Variants in PAK1 observed in about 807,000 individuals in gnomAD.
PAK1 encodes the protein serine/threonine-protein kinase PAK 1.
A neutral mutation model predicts 67.4 loss-of-function variants in PAK1; 29 were observed. The ratio of observed to expected loss-of-function variants is 0.43; its 90% CI spans 0.32 to 0.59. The LOEUF (loss-of-function observed/expected upper bound fraction) is 0.59, where lower values mean the gene tolerates loss of function less well. Ranked by LOEUF, PAK1 falls within the 20% of genes least tolerant of loss-of-function variation. The probability of loss-of-function intolerance (pLI) is 0.07; values close to 1 mark genes in which losing one functional copy is unlikely to be tolerated. For synonymous variants in PAK1, 223 were observed against 237.4 expected, an observed-to-expected ratio of 0.94 and a Z score of 0.56; for missense variants, 337 against 670.7, an observed-to-expected ratio of 0.50 and a Z score of 5.50.
intron 1 of PAK1, among the ~76,000 whole-genome samples, chr11:77,443,251 G>C (rs1234085983): frequency 1.3e-5 from 2 of 151,092 alleles, no homozygotes; most frequent in African/African-American, 4.9e-5. Context: ...GGAGGCAGAG[G>C]TTGCAGTGAG....
intron 1 of PAK1, among the ~76,000 whole-genome samples, chr11:77,419,106 G>A (rs1337064534): frequency 6.6e-6 from 1 of 152,170 alleles, no homozygotes; most frequent in East Asian, 1.9e-4. Flanking sequence ...TGCTGCTATA[G>A]GAAACTTGGC....
intron 4 of PAK1, among the ~76,000 whole-genome samples, chr11:77,375,680 AAG>A (rs1400265064): frequency 1.3e-5 from 2 of 152,234 alleles, no homozygotes; most frequent in Non-Finnish European, 2.9e-5. Context: ...TAAAATTTGA[AAG>A]AGAGACCCAA....
At chr11:77,479,646 C>A in the PAK1 span, among the ~76,000 whole-genome samples, 4 of 121,814 alleles carry the variant, frequency 3.3e-5, no homozygotes, top group Admixed American at 9.8e-5. Context: ...CTCACTCTGT[C>A]ACCCAGGCTG....
intron 1 of PAK1, among the ~76,000 whole-genome samples, chr11:77,414,489 T>C (rs755992841): frequency 2.0e-5 from 3 of 152,246 alleles, no homozygotes; most frequent in Non-Finnish European, 4.4e-5. Context: ...TTGATATCTA[T>C]TGGAAGACTG....
intron 7 of PAK1, among the ~76,000 whole-genome samples, chr11:77,354,993 G>A (rs963772471): frequency 6.6e-6 from 1 of 152,114 alleles, no homozygotes; most frequent in Admixed American, 6.5e-5. Context: ...GTTTCCACTT[G>A]ACAGCAAGAG....
chr11:77,487,213 A>G, the PAK1 span, among the ~76,000 whole-genome samples: 1 of 152,170 alleles, frequency 6.6e-6, no homozygotes, highest in East Asian at 1.9e-4. Flanking sequence ...AGAAGGGAAC[A>G]TGCTGCCTTG....
At chr11:77,506,966 T>G in the PAK1 span, among the ~76,000 whole-genome samples, 1 of 152,170 alleles carries the variant, frequency 6.6e-6, no homozygotes, top group Non-Finnish European at 1.5e-5. Context: ...AAGATAAAGA[T>G]CTTCATCTAG....
At chr11:77,520,353 G>C in the PAK1 span, among the ~76,000 whole-genome samples, 2 of 152,172 alleles carry the variant, frequency 1.3e-5, no homozygotes, top group African/African-American at 4.8e-5. Context: ...CAAGGCTCCA[G>C]TTGCATGACC....
chr11:77,447,113 A>G (rs959373282), intron 1 of PAK1, among the ~76,000 whole-genome samples: 4 of 152,206 alleles, frequency 2.6e-5, no homozygotes, highest in Admixed American at 6.5e-5. Context: ...TTACCTTTCT[A>G]TAACACATCC....
At chr11:77,468,313 G>C (rs1434548191) in intron 1 of PAK1, among the ~76,000 whole-genome samples, 1 of 152,108 alleles carries the variant, frequency 6.6e-6, no homozygotes, top group African/African-American at 2.4e-5. Flanking sequence ...AAACTCATGA[G>C]GGATGAATGA....
At chr11:77,349,375 G>A in intron 8 of PAK1, 88 bp from the exon 9 acceptor site, 1 of 985,170 alleles carries the variant, frequency 1.0e-6, no homozygotes, top group South Asian at 1.4e-5. Context: ...CACACAATCT[G>A]TGAGTGTCAA....
the PAK1 span, among the ~76,000 whole-genome samples, chr11:77,490,274 AG>A: frequency 3.1e-5 from 4 of 128,792 alleles, no homozygotes; most frequent in Non-Finnish European, 6.5e-5. Flanking sequence ...CCCGTCTCAG[AG>A]GGAGGTGGGG....
chr11:77,322,668 C>T lies in PAK1; in HGVS notation c.*606G>A, dbSNP rs553754038. ...ATGGGAACACTATTGGGTCAAGGTC[C>T]TCCCGAACAGCTGCTAGAAGCACAC... On this transcript the variant is annotated 3_prime_UTR_variant, in exon 15 of 15. Coordinates refer to ENST00000356341, the MANE Select transcript of PAK1 (RefSeq NM_002576.5). 15 of 248,442 alleles carry T rather than the reference C, an allele frequency of 6.0e-5. No individual in the cohort carries two copies. In the East Asian group the frequency reaches 9.5e-4, roughly 16 times the overall value. 15.4% of individuals were successfully genotyped at this position (248,442 alleles called of 1,614,324 possible).
At chr11:77,388,491 C>G (rs1950730754) in intron 2 of PAK1, among the ~76,000 whole-genome samples, 2 of 152,182 alleles carry the variant, frequency 1.3e-5, no homozygotes, top group Non-Finnish European at 2.9e-5. Flanking sequence ...GCAGCTGGGA[C>G]TACAGGCACC....
the PAK1 span, among the ~76,000 whole-genome samples, chr11:77,527,042 T>C: frequency 6.6e-6 from 1 of 152,190 alleles, no homozygotes; most frequent in African/African-American, 2.4e-5. Flanking sequence ...AAATCTATTG[T>C]AAAAACCAAT....
chr11:77,447,040 T>C lies in PAK1; in HGVS notation c.-22+26512A>G, dbSNP rs562039801. Among the ~76,000 whole-genome samples, 18 of 152,120 alleles carry C rather than the reference T, an allele frequency of 1.2e-4. No individual in the cohort carries two copies. The East Asian group carries it at 1.5e-3, about 13-fold the overall frequency. On this transcript the variant is annotated intron_variant, in intron 1 of 14. Coordinates refer to ENST00000356341, the MANE Select transcript of PAK1 (RefSeq NM_002576.5). The stretch of plus-strand genomic sequence containing the variant: ...CACTGGATTAAAACACATAAAGACA[T>C]AGGAAGTATAAATCATTTACCCAAA...
At chr11:77,347,126 C>A in intron 9 of PAK1, 1 of 454,684 alleles carries the variant, frequency 2.2e-6, no homozygotes. Context: ...ATTAGCCACC[C>A]TGATGGACTC....
chr11:77,336,008 G>A, intron 13 of PAK1, 78 bp downstream of exon 13: 1 of 914,640 alleles, frequency 1.1e-6, no homozygotes, highest in Non-Finnish European at 1.7e-6. Context: ...GAAAACCACA[G>A]AGAACACCCT....
intron 1 of PAK1, among the ~76,000 whole-genome samples, chr11:77,405,670 GACAGAC>G (rs372942818): frequency 0.023 from 2,864 of 125,430 alleles, 39 homozygotes; most frequent in Non-Finnish European, 0.03. Flanking sequence ...CAGACAGACA[GACAGAC>G]ACACACACAC....
Sources: allele counts gnomAD v4.1 joint callset (sites outside exome capture counted in the v4.1 genomes callset), GRCh38; gene constraint gnomAD v4.1.1; transcripts MANE v1.5; gene names NCBI Gene and HGNC (gene_info 2026-07-23, HGNC 2026-07-21).